The following PAWR variants were observed in gnomAD, a reference collection of about 807,000 sequenced individuals.
The protein encoded by PAWR is pro-apoptotic WT1 regulator, also known as PRKC apoptosis WT1 regulator protein.
A neutral mutation model predicts 32.0 loss-of-function variants in PAWR; 23 were observed. The ratio of observed to expected loss-of-function variants is 0.72; its 90% CI spans 0.52 to 1.02. PAWR has a LOEUF of 1.02. Ranked by LOEUF, PAWR falls within the 50% of genes least tolerant of loss-of-function variation. The pLI is 0.00. For missense variants in PAWR, 457 were observed against 437.7 expected (o/e 1.04, Z -0.39); for synonymous variants, 226 against 187.1 (o/e 1.21, Z -1.70).
intron 2 of PAWR, among the ~76,000 whole-genome samples, chr12:79,635,090 A>G (rs1009733914): frequency 6.6e-6 from 1 of 152,060 alleles, no homozygotes; most frequent in Non-Finnish European, 1.5e-5. Context: ...AAATTATTCC[A>G]TTCTACTGCC....
At chr12:79,660,106 CCA>C (rs1310314453) in intron 2 of PAWR, among the ~76,000 whole-genome samples, 1 of 152,148 alleles carries the variant, frequency 6.6e-6, no homozygotes, top group Non-Finnish European at 1.5e-5. Context: ...AGCAAACATA[CCA>C]CAGACATTGT....
intron 2 of PAWR, among the ~76,000 whole-genome samples, chr12:79,671,595 G>A (rs772136655): frequency 6.6e-6 from 1 of 152,148 alleles, no homozygotes; most frequent in African/African-American, 2.4e-5. Flanking sequence ...TCTTTAGCTT[G>A]TTGATGTGTT....
At chr12:79,684,864 T>C (rs1323727071) in intron 2 of PAWR, among the ~76,000 whole-genome samples, 1 of 152,246 alleles carries the variant, frequency 6.6e-6, no homozygotes, top group Admixed American at 6.5e-5. Context: ...CAGTATGTAA[T>C]ACACTGAAGT....
intron 2 of PAWR, among the ~76,000 whole-genome samples, chr12:79,630,368 C>T (rs113018573): frequency 0.011 from 1,679 of 151,850 alleles, 41 homozygotes; most frequent in African/African-American, 0.038. Context: ...GGTGTAATCT[C>T]GGCTCACTGC....
intron 6 of PAWR, among the ~76,000 whole-genome samples, chr12:79,593,272 A>T (rs1251201087): frequency 6.6e-6 from 1 of 152,172 alleles, no homozygotes; most frequent in Non-Finnish European, 1.5e-5. Flanking sequence ...TCAGCTCCAG[A>T]TCAATTTGTA....
rs1873563708 is a variant in PAWR at position 79,591,764 on chromosome 12, C to T, written c.*843G>A. On this transcript the variant is annotated 3_prime_UTR_variant, in exon 7 of 7. Coordinates refer to ENST00000328827, the MANE Select transcript of PAWR (RefSeq NM_002583.4). ...AATATTTTGGTTTTTAGTGTGCATG[C>T]TAATATAAAAATATGGATTTTTTTC... 6.6e-6 allele frequency: 1 copy of T among 152,004 alleles called. No individual in the cohort carries two copies. Among genetic ancestry groups the T allele is most frequent in the Non-Finnish European group, 1.5e-5 (1 of 67,926 alleles). The allele number at this position is 152,004 out of a possible 1,614,324, so 9.4% of individuals were successfully genotyped here. A position where few individuals can be genotyped will look rare whatever the true frequency, so the allele number is the denominator to read the frequency against.
At chr12:79,628,192 T>C (rs1288273447) in intron 2 of PAWR, among the ~76,000 whole-genome samples, 1 of 152,154 alleles carries the variant, frequency 6.6e-6, no homozygotes, top group African/African-American at 2.4e-5. Flanking sequence ...CTGAACAACC[T>C]GCTCCTGAAT....
At chr12:79,641,275 A>G (rs1254675286) in intron 2 of PAWR, among the ~76,000 whole-genome samples, 1 of 152,198 alleles carries the variant, frequency 6.6e-6, no homozygotes, top group Non-Finnish European at 1.5e-5. Flanking sequence ...AGCTTTTCAG[A>G]GCAAAACTCT....
chr12:79,671,235 T>C (rs1877884052), intron 2 of PAWR, among the ~76,000 whole-genome samples: 1 of 151,658 alleles, frequency 6.6e-6, no homozygotes, highest in Non-Finnish European at 1.5e-5. Context: ...TTCAACAAAA[T>C]GGAAAGTACT....
rs1254498316 is a variant in PAWR, at chr12:79,688,275, A to G, written c.516+1454T>C. 2.6e-5 allele frequency: 4 copies of G among 152,086 alleles called. No individual in the cohort carries two copies. In the South Asian group the frequency reaches 8.3e-4, roughly 32 times the overall value. 9.4% of individuals were successfully genotyped at this position (152,086 alleles called of 1,614,324 possible). A position where few individuals can be genotyped will look rare whatever the true frequency, so the allele number is the denominator to read the frequency against. ...AAATAATTTTAGCACATGCAGCCAG[A>G]AAAAAAGTGAAGTTTAACATCTGCC... On this transcript the variant is annotated intron_variant, in intron 2 of 6. Transcript: ENST00000328827.
chr12:79,646,949 G>A (rs559165023), intron 2 of PAWR, among the ~76,000 whole-genome samples: 6 of 152,042 alleles, frequency 3.9e-5, no homozygotes, highest in Admixed American at 1.3e-4. Context: ...AGGCTGAGGC[G>A]GGAGGATCAC....
intron 2 of PAWR, among the ~76,000 whole-genome samples, chr12:79,686,990 AT>A (rs1878711023): frequency 6.6e-6 from 1 of 152,204 alleles, no homozygotes. Context: ...CAGGTATGTA[AT>A]ACACATTTGA....
In PAWR at chr12:79,690,138, G is replaced by A. The variant is rs755746831; in HGVS notation, c.107C>T (p.Pro36Leu). ...KREKMRAKQN[P>L]PGPAPPGGGS... is the part of the protein sequence containing the mutation. ...CCCTCCCGGGGGGGCCGGGCCCGGG[G>A]GGTTCTGCTTGGCGCGCATCTTCTC... The change falls in exon 2 of 7, where the codon CCC (proline) becomes CTC (leucine). Residue 36 changes from proline to leucine, a missense_variant. Physicochemically the swap from Pro to Leu is moderately conservative, Grantham distance 98. Coordinates refer to ENST00000328827, the MANE Select transcript of PAWR (RefSeq NM_002583.4). 1.3e-6 allele frequency: 2 copies of A among 1,518,790 alleles called. No homozygotes were observed. Among genetic ancestry groups the A allele is most frequent in the African/African-American group, 1.4e-5 (1 of 70,022 alleles). The allele number at this position is 1,518,790 out of a possible 1,614,324, so 94.1% of individuals were successfully genotyped here.
At chr12:79,625,769 G>A (rs138005702) in intron 2 of PAWR, among the ~76,000 whole-genome samples, 2,570 of 148,240 alleles carry the variant, frequency 0.017, 25 homozygotes, top group Admixed American at 0.037. Context: ...GCAGTGAGCC[G>A]AGATCACGCC....
At chr12:79,593,094 C>CT (rs1234915883) in intron 6 of PAWR, among the ~76,000 whole-genome samples, 6 of 151,882 alleles carry the variant, frequency 4.0e-5, no homozygotes, top group Non-Finnish European at 7.4e-5. Flanking sequence ...AGGTTGCAAC[C>CT]TTGTGTCAAA....
intron 2 of PAWR, among the ~76,000 whole-genome samples, chr12:79,683,509 T>C (rs1198126256): frequency 1.3e-5 from 2 of 152,006 alleles, no homozygotes; most frequent in African/African-American, 2.4e-5. Context: ...TTTAAATAAA[T>C]GGCAAAAGTG....
intron 5 of PAWR, among the ~76,000 whole-genome samples, chr12:79,595,417 C>A (rs903965912): frequency 6.6e-6 from 1 of 152,234 alleles, no homozygotes; most frequent in African/African-American, 2.4e-5. Flanking sequence ...ACAGAGCAAT[C>A]AACCATCCAT....
intron 2 of PAWR, among the ~76,000 whole-genome samples, chr12:79,623,376 T>A (rs910668627): frequency 6.6e-6 from 1 of 152,194 alleles, no homozygotes; most frequent in African/African-American, 2.4e-5. Context: ...AACATAATTG[T>A]TAACATCATT....
At chr12:79,639,408 T>C (rs890094142) in intron 2 of PAWR, among the ~76,000 whole-genome samples, 5 of 152,208 alleles carry the variant, frequency 3.3e-5, no homozygotes, top group Admixed American at 1.3e-4. Context: ...AATGTATAAA[T>C]TATGTGGAGA....
Sources: gnomAD v4.1 joint callset for allele counts (sites outside exome capture counted in the v4.1 genomes callset) on GRCh38, gnomAD v4.1.1 for gene constraint, MANE v1.5 for transcripts, NCBI Gene and HGNC (gene_info 2026-07-23, HGNC 2026-07-21) for gene names.